Variants in NRG3 observed in about 807,000 individuals in gnomAD.
NRG3 encodes the protein neuregulin 3, also known as pro-neuregulin-3, membrane-bound isoform.
A neutral mutation model predicts 66.9 loss-of-function variants in NRG3; 31 were observed. That is an observed-to-expected ratio of 0.46 (90% CI 0.35 to 0.63). NRG3 has a LOEUF of 0.63. NRG3 is among the 20% of genes least tolerant of loss of function. The pLI, the probability that NRG3 is intolerant of heterozygous loss-of-function variation, is 0.00. For missense variants in NRG3, 910 were observed against 878.9 expected (o/e 1.04, Z -0.45); for synonymous variants, 393 against 359.4 (o/e 1.09, Z -1.06).
intron 2 of NRG3, among the ~76,000 whole-genome samples, chr10:82,727,503 C>G (rs546371883): frequency 5.3e-5 from 8 of 152,214 alleles, no homozygotes; most frequent in Non-Finnish European, 1.0e-4. Flanking sequence ...TGGTGTTGAG[C>G]CTGCAGGTAC....
intron 1 of NRG3, among the ~76,000 whole-genome samples, chr10:81,969,563 C>A (rs985732762): frequency 3.9e-5 from 6 of 152,170 alleles, no homozygotes; most frequent in Admixed American, 6.6e-5. Context: ...ACAAAAAAAT[C>A]CAGCGTGACC....
intron 1 of NRG3, among the ~76,000 whole-genome samples, chr10:82,030,789 T>G (rs1294637130): frequency 6.6e-6 from 1 of 151,424 alleles, no homozygotes. Context: ...GAAGGACAAG[T>G]TTGCAAAAAA....
chr10:82,589,449 A>G (rs1421650557), intron 2 of NRG3, among the ~76,000 whole-genome samples: 1 of 152,192 alleles, frequency 6.6e-6, no homozygotes, highest in Non-Finnish European at 1.5e-5. Context: ...AGAAACTTCA[A>G]CAGTCCTGAT....
chr10:82,914,954 A>C (rs888146425), intron 4 of NRG3, among the ~76,000 whole-genome samples: 1 of 152,058 alleles, frequency 6.6e-6, no homozygotes, highest in South Asian at 2.1e-4. Context: ...TTAAATGAAA[A>C]CTTTTTCTTT....
Position 82,349,771 on chromosome 10 carries a change from G to C in NRG3, c.824-8968G>C, listed in dbSNP as rs567891189. On this transcript the variant is annotated intron_variant, in intron 1 of 8. Coordinates refer to ENST00000372141, the MANE Select transcript of NRG3 (RefSeq NM_001010848.4). ...GGTGCGGGATAGAATCTCTTGGTGT[G>C]CCGTTTTTTAAGCCAGTCGGAAAAG... Among the ~76,000 whole-genome samples, 74 of 152,350 alleles carry C rather than the reference G, an allele frequency of 4.9e-4. 1 individual carries two copies. In the East Asian group the frequency reaches 0.012, roughly 24 times the overall value.
At chr10:82,020,280 A>G (rs1214767223) in intron 1 of NRG3, among the ~76,000 whole-genome samples, 3 of 152,222 alleles carry the variant, frequency 2.0e-5, no homozygotes, top group South Asian at 2.1e-4. Flanking sequence ...AATATTTTGT[A>G]ATTTTCACTT....
chr10:82,060,531 A>T (rs982120176), intron 1 of NRG3, among the ~76,000 whole-genome samples: 1 of 152,202 alleles, frequency 6.6e-6, no homozygotes, highest in African/African-American at 2.4e-5. Flanking sequence ...GTTTTAAGTG[A>T]TGTTGTAAAT....
At chr10:82,803,953 G>T (rs1044553972) in intron 3 of NRG3, among the ~76,000 whole-genome samples, 1 of 152,102 alleles carries the variant, frequency 6.6e-6, no homozygotes, top group Admixed American at 6.5e-5. Flanking sequence ...TTTAAATTGT[G>T]TACTGTTCTG....
At chr10:82,583,113 G>T (rs2046459745) in intron 2 of NRG3, among the ~76,000 whole-genome samples, 1 of 152,134 alleles carries the variant, frequency 6.6e-6, no homozygotes, top group Non-Finnish European at 1.5e-5. Flanking sequence ...TGTTTTAAAA[G>T]GGTGTGTTCA....
intron 1 of NRG3, among the ~76,000 whole-genome samples, chr10:82,202,660 A>T (rs545713494): frequency 6.6e-6 from 1 of 152,168 alleles, no homozygotes; most frequent in Non-Finnish European, 1.5e-5. Context: ...TGAATCCACA[A>T]ATCTTACTAG....
intron 2 of NRG3, among the ~76,000 whole-genome samples, chr10:82,617,835 T>C (rs2048767485): frequency 6.6e-6 from 1 of 152,184 alleles, no homozygotes; most frequent in East Asian, 1.9e-4. Context: ...ACGGAGCAGC[T>C]GTCTACTCCG....
At chr10:82,251,852 C>G (rs970359938) in intron 1 of NRG3, among the ~76,000 whole-genome samples, 3 of 152,094 alleles carry the variant, frequency 2.0e-5, no homozygotes, top group African/African-American at 7.2e-5. Context: ...TGCAATCTCC[C>G]TGTGGGGGGC....
chr10:82,783,729 C>T (rs1333680729), intron 3 of NRG3, among the ~76,000 whole-genome samples: 1 of 152,126 alleles, frequency 6.6e-6, no homozygotes, highest in East Asian at 1.9e-4. Flanking sequence ...AATGGAAGAA[C>T]ATTCCATGCT....
intron 1 of NRG3, among the ~76,000 whole-genome samples, chr10:81,970,647 TTGTGTGTG>T (rs140075518): frequency 6.6e-6 from 1 of 150,436 alleles, no homozygotes. Context: ...CCAGAAATAT[TTGTGTGTG>T]TGTGTGTGGG....
At chr10:82,145,189 G>T (rs371757694) in intron 1 of NRG3, among the ~76,000 whole-genome samples, 1 of 152,132 alleles carries the variant, frequency 6.6e-6, no homozygotes, top group African/African-American at 2.4e-5. Flanking sequence ...CTAGAACTCG[G>T]TATGGTGTAT....
At chr10:82,346,394 C>T (rs2083025251) in intron 1 of NRG3, among the ~76,000 whole-genome samples, 1 of 138,798 alleles carries the variant, frequency 7.2e-6, no homozygotes, top group Non-Finnish European at 1.5e-5. Context: ...TTGAACCAGC[C>T]TTGCATCCCA....
intron 4 of NRG3, among the ~76,000 whole-genome samples, chr10:82,915,359 A>C (rs1369399345): frequency 6.6e-6 from 1 of 152,238 alleles, no homozygotes; most frequent in Admixed American, 6.5e-5. Context: ...AGAAACTAGG[A>C]GGTCTATGAC....
intron 2 of NRG3, among the ~76,000 whole-genome samples, chr10:82,371,893 A>G (rs2084919071): frequency 6.6e-6 from 1 of 152,140 alleles, no homozygotes; most frequent in Admixed American, 6.5e-5. Context: ...GAGGGAAGGC[A>G]TCAATCTGTT....
At chr10:82,693,109 A>T (rs529651994) in intron 2 of NRG3, among the ~76,000 whole-genome samples, 4 of 152,108 alleles carry the variant, frequency 2.6e-5, no homozygotes, top group African/African-American at 7.2e-5. Context: ...GACCTATTTG[A>T]TCTTCCTAAT....
Sources: allele counts gnomAD v4.1 joint callset (sites outside exome capture counted in the v4.1 genomes callset), GRCh38; gene constraint gnomAD v4.1.1; transcripts MANE v1.5; gene names NCBI Gene and HGNC (gene_info 2026-07-23, HGNC 2026-07-21).